Variants in HERC3 observed in about 807,000 individuals in gnomAD.
HERC3 encodes the protein probable E3 ubiquitin-protein ligase HERC3.
Under a neutral mutation model 129.9 loss-of-function variants are expected in HERC3, and 58 were observed. The ratio of observed to expected loss-of-function variants is 0.45; its 90% CI spans 0.36 to 0.56. HERC3 has a LOEUF of 0.56. HERC3 is among the 20% of genes least tolerant of loss of function. The probability of loss-of-function intolerance (pLI) is 0.00; values close to 1 mark genes in which losing one functional copy is unlikely to be tolerated. For missense variants in HERC3, 835 were observed against 1,244.2 expected (o/e 0.67, Z 4.95); for synonymous variants, 430 against 451.0 (o/e 0.95, Z 0.59).
chr4:88,640,118 C>T (rs1162231300), intron 3 of HERC3, among the ~76,000 whole-genome samples: 1 of 152,170 alleles, frequency 6.6e-6, no homozygotes, highest in East Asian at 1.9e-4. Flanking sequence ...AACGCTTTTA[C>T]ACTGTTGGTG....
intron 2 of HERC3, among the ~76,000 whole-genome samples, chr4:88,600,078 A>G (rs1420014290): frequency 6.6e-6 from 1 of 152,172 alleles, no homozygotes; most frequent in African/African-American, 2.4e-5. Flanking sequence ...AAATGAGCCA[A>G]CATCTGTGAA....
intron 10 of HERC3, among the ~76,000 whole-genome samples, chr4:88,661,417 TG>T (rs1730478198): frequency 6.6e-6 from 1 of 152,228 alleles, no homozygotes; most frequent in Non-Finnish European, 1.5e-5. Flanking sequence ...CTTGAAGCTA[TG>T]GGAAAGTAAC....
intron 2 of HERC3, among the ~76,000 whole-genome samples, chr4:88,603,819 G>T (rs542531862): frequency 2.6e-5 from 4 of 152,196 alleles, no homozygotes; most frequent in African/African-American, 9.6e-5. Context: ...TAAACTCTAG[G>T]GGTTGTTCCC....
At position 88,684,672 on chromosome 4, in the gene HERC3, C is replaced by T. The variant is rs192073248; in HGVS notation, c.2508-2064C>T. On this transcript the variant is annotated intron_variant, in intron 21 of 25. Transcript: ENST00000402738. ...TCTGCACAGCAAAAGAAACTATCAG[C>T]AGAGGGAACAGAAAACCTATAGAAT... 3.5e-4 allele frequency among the ~76,000 whole-genome samples: 54 copies of T among 152,184 alleles called. No individual in the cohort carries two copies. The East Asian group carries it at 0.01, about 29-fold the overall frequency.
In HERC3 at chr4:88,652,952, A is replaced by T. The variant is rs771172886; in HGVS notation, c.547A>T (p.Arg183Trp). The part of the protein sequence containing the change: ...KEFPSQASPQ[R>W]VRSLEGIPLA... The stretch of plus-strand genomic sequence containing the variant: ...GTTCCCCTCCCAAGCCAGCCCACAG[A>T]GGGTGAGGTCCCTGGAGGGGATCCC... Residue 183 changes from arginine (R) to tryptophan (W), a missense_variant, in exon 6 of 26, where the codon AGG becomes TGG. Physicochemically the swap from Arg to Trp is moderately radical, Grantham distance 101. Transcript: ENST00000402738. 1 of 1,614,136 alleles carries T rather than the reference A, an allele frequency of 6.2e-7. No homozygotes were observed. The highest frequency in any genetic ancestry group is 8.5e-7 in the Non-Finnish European group (1 of 1,180,024).
chr4:88,565,330 G>A, the HERC3 span, among the ~76,000 whole-genome samples: 2 of 151,870 alleles, frequency 1.3e-5, no homozygotes, highest in Non-Finnish European at 1.5e-5. Context: ...CTGAAAGTGG[G>A]GTGTTGAAGT....
At chr4:88,628,702 C>G (rs991180427) in intron 3 of HERC3, among the ~76,000 whole-genome samples, 45 of 152,164 alleles carry the variant, frequency 3.0e-4, no homozygotes, top group African/African-American at 9.9e-4. Flanking sequence ...GGAAGCATCT[C>G]ATCTTGCATT....
At chr4:88,606,163 C>A in intron 3 of HERC3, 114 bp downstream of exon 3, 1 of 764,990 alleles carries the variant, frequency 1.3e-6, no homozygotes, top group Non-Finnish European at 2.1e-6. Flanking sequence ...CAGGGAGGCT[C>A]TTTTGAACGG....
intron 23 of HERC3, chr4:88,696,963 G>C (rs1485649303): frequency 1.9e-5 from 8 of 420,628 alleles, no homozygotes; most frequent in African/African-American, 4.1e-5. Flanking sequence ...CATAATTTTG[G>C]GTTTAATTCA....
At chr4:88,550,861 A>G in the HERC3 span, among the ~76,000 whole-genome samples, 42 of 148,824 alleles carry the variant, frequency 2.8e-4, no homozygotes, top group African/African-American at 3.9e-4. Flanking sequence ...AGCTGGAGGC[A>G]TCACGTTACC....
intron 7 of HERC3, among the ~76,000 whole-genome samples, chr4:88,654,352 A>T (rs1245911632): frequency 1.4e-4 from 2 of 14,078 alleles, no homozygotes; most frequent in Non-Finnish European, 2.7e-4. Context: ...GATTTTTCAT[A>T]TATATATATA....
At chr4:88,626,177 A>G (rs986940376) in intron 3 of HERC3, among the ~76,000 whole-genome samples, 1 of 151,920 alleles carries the variant, frequency 6.6e-6, no homozygotes, top group African/African-American at 2.4e-5. Flanking sequence ...GAGTTTGTTT[A>G]TGTTAATTTA....
chr4:88,624,265 T>C (rs1725852994), intron 3 of HERC3, among the ~76,000 whole-genome samples: 1 of 152,242 alleles, frequency 6.6e-6, no homozygotes, highest in Non-Finnish European at 1.5e-5. Flanking sequence ...TATGTTTTCA[T>C]TTTTCATGAA....
At chr4:88,632,155 A>G (rs1313061262) in intron 3 of HERC3, among the ~76,000 whole-genome samples, 4 of 152,212 alleles carry the variant, frequency 2.6e-5, no homozygotes. Flanking sequence ...ATAGTTATCC[A>G]TGAACTCTTT....
chr4:88,531,208 T>A, the HERC3 span, among the ~76,000 whole-genome samples: 41,770 of 151,198 alleles, frequency 0.28, 6,607 homozygotes, highest in East Asian at 0.77. Context: ...AAAATTTTTT[T>A]AAAATTTTTT....
In HERC3 at chr4:88,654,056, T is replaced by A. The variant is rs1420373836; in HGVS notation, c.700T>A (p.Cys234Ser). The change falls in exon 7 of 26, where the codon TGC becomes AGC. Residue 234 changes from cysteine (C) to serine (S), a missense_variant. Physicochemically the swap from Cys to Ser is moderately radical, Grantham distance 112. Transcript: ENST00000402738. ...LSDEKDRESPCHVKLLRTQKV... is the reference protein window; with the variant it reads ...LSDEKDRESPSHVKLLRTQKV... ...ATTTATTCTAGATCGAGAATCTCCA[T>A]GCCATGTAAAACTCTTACGCACGCA... is the stretch of plus-strand genomic sequence containing the variant. 6.2e-7 allele frequency: 1 copy of A among 1,610,772 alleles called. No individual in the cohort carries two copies. Among genetic ancestry groups the A allele is most frequent in the African/African-American group, 1.3e-5 (1 of 74,838 alleles).
chr4:88,654,383 TATATAC>T (rs1560723901), intron 7 of HERC3, among the ~76,000 whole-genome samples: 5 of 103,622 alleles, frequency 4.8e-5, no homozygotes, highest in African/African-American at 6.5e-5. Context: ...TATATATATA[TATATAC>T]ACACACACAC....
intron 19 of HERC3, among the ~76,000 whole-genome samples, chr4:88,679,568 G>A (rs1277316691): frequency 1.3e-5 from 2 of 149,352 alleles, no homozygotes; most frequent in Non-Finnish European, 3.0e-5. Context: ...TGCCCAGGCT[G>A]GAGTGCAGTG....
chr4:88,613,462 A>G (rs964582903), intron 3 of HERC3, among the ~76,000 whole-genome samples: 1 of 152,260 alleles, frequency 6.6e-6, no homozygotes, highest in Non-Finnish European at 1.5e-5. Context: ...AATGAGGTTT[A>G]TAAAGCAGAA....
Sources: gnomAD v4.1 joint callset for allele counts (sites outside exome capture counted in the v4.1 genomes callset) on GRCh38, gnomAD v4.1.1 for gene constraint, MANE v1.5 for transcripts, NCBI Gene and HGNC (gene_info 2026-07-23, HGNC 2026-07-21) for gene names.